Variants in PIP5K1B observed in about 807,000 individuals in gnomAD.
The protein encoded by PIP5K1B is phosphatidylinositol-4-phosphate 5-kinase type 1 beta.
A neutral mutation model predicts 67.0 loss-of-function variants in PIP5K1B; 42 were observed. The ratio of observed to expected loss-of-function variants is 0.63; its 90% CI spans 0.49 to 0.81. The LOEUF (loss-of-function observed/expected upper bound fraction) is 0.81, where lower values mean the gene tolerates loss of function less well. Ranked by LOEUF, PIP5K1B falls within the 30% of genes least tolerant of loss-of-function variation. PIP5K1B has a pLI of 0.00. For missense variants in PIP5K1B, 459 were observed against 646.3 expected (o/e 0.71, Z 3.14); for synonymous variants, 214 against 231.4 (o/e 0.92, Z 0.68).
intron 1 of PIP5K1B, among the ~76,000 whole-genome samples, chr9:68,709,473 T>C (rs563299419): frequency 1.5e-3 from 222 of 152,268 alleles, no homozygotes; most frequent in African/African-American, 5.1e-3. Flanking sequence ...ATTCAAGCAA[T>C]CCACAGGCAT....
At chr9:68,833,658 C>T (rs1012583432) in intron 4 of PIP5K1B, among the ~76,000 whole-genome samples, 3 of 151,662 alleles carry the variant, frequency 2.0e-5, no homozygotes, top group African/African-American at 4.9e-5. Context: ...GCAGCCTAGA[C>T]AAAGGTTGTG....
At chr9:68,927,296 A>G (rs1287775820) in intron 12 of PIP5K1B, among the ~76,000 whole-genome samples, 1 of 152,180 alleles carries the variant, frequency 6.6e-6, no homozygotes, top group Non-Finnish European at 1.5e-5. Context: ...CTAGAAGTGG[A>G]ATTGCTGGGT....
At chr9:68,972,418 A>G (rs1431243870) in intron 14 of PIP5K1B, among the ~76,000 whole-genome samples, 1 of 152,176 alleles carries the variant, frequency 6.6e-6, no homozygotes, top group African/African-American at 2.4e-5. Flanking sequence ...AGGCGGGTGG[A>G]TCACCTGAGG....
chr9:68,801,008 G>T (rs562984374), intron 2 of PIP5K1B, among the ~76,000 whole-genome samples: 29 of 152,268 alleles, frequency 1.9e-4, no homozygotes, highest in African/African-American at 6.7e-4. Flanking sequence ...AGGCTTCCAT[G>T]TCCATTCCTA....
At chr9:68,957,484 CAA>C (rs1400850567) in intron 14 of PIP5K1B, among the ~76,000 whole-genome samples, 1 of 152,142 alleles carries the variant, frequency 6.6e-6, no homozygotes, top group Admixed American at 6.5e-5. Flanking sequence ...GACATATTAA[CAA>C]GAGAAAGGCA....
At chr9:68,988,740 C>T (rs1435162830) in intron 14 of PIP5K1B, among the ~76,000 whole-genome samples, 1 of 151,886 alleles carries the variant, frequency 6.6e-6, no homozygotes. Flanking sequence ...CGTGAGCCAC[C>T]GCGCCCAGCC....
At chr9:68,878,385 C>T (rs1328398502) in intron 6 of PIP5K1B, among the ~76,000 whole-genome samples, 7 of 152,148 alleles carry the variant, frequency 4.6e-5, no homozygotes, top group Non-Finnish European at 1.0e-4. Flanking sequence ...AATTTGCTTT[C>T]TTTGGGGAAG....
At chr9:68,928,871 T>G (rs1826843237) in intron 12 of PIP5K1B, among the ~76,000 whole-genome samples, 1 of 152,028 alleles carries the variant, frequency 6.6e-6, no homozygotes, top group Non-Finnish European at 1.5e-5. Context: ...CCCCTTTATT[T>G]AAATGTAAGC....
At chr9:68,780,813 T>C (rs1034220104) in intron 2 of PIP5K1B, 7 of 1,614,040 alleles carry the variant, frequency 4.3e-6, no homozygotes, top group Non-Finnish European at 5.9e-6. Flanking sequence ...GCCAAAGAGA[T>C]TTTTCCAGGG....
Position 68,917,616 on chromosome 9 carries a change from CA to C in PIP5K1B, c.843del (p.Glu282ArgfsTer40). 2 of 1,614,028 alleles carry C rather than the reference CA, an allele frequency of 1.2e-6. No homozygotes were observed. The highest frequency in any genetic ancestry group is 8.5e-7 in the Non-Finnish European group (1 of 1,179,916). On this transcript the variant is annotated frameshift_variant, in exon 9 of 16. Coordinates refer to ENST00000265382, the MANE Select transcript of PIP5K1B (RefSeq NM_003558.4). LOFTEE classifies it high-confidence loss of function. ...LGIHFLDHSLKEKEEETPQNV... is the reference protein window; with the variant it reads ...LGIHFLDHSLXEKEEETPQNV... ...GAATTCATTTCCTGGACCATTCCCTCAAAGAGAAAGAGGAGGAGACCCCACA... is the reference window on the plus strand; with the variant it reads ...GAATTCATTTCCTGGACCATTCCCTCAAGAGAAAGAGGAGGAGACCCCACA...
chr9:68,832,782 G>A (rs189911568), intron 4 of PIP5K1B, among the ~76,000 whole-genome samples: 109 of 152,322 alleles, frequency 7.2e-4, no homozygotes, highest in African/African-American at 2.2e-3. Flanking sequence ...CAGAGTTGAT[G>A]AGCTACTCTT....
intron 2 of PIP5K1B, among the ~76,000 whole-genome samples, chr9:68,758,812 C>A (rs1005705157): frequency 2.0e-5 from 3 of 152,004 alleles, no homozygotes; most frequent in African/African-American, 7.2e-5. Context: ...TGAAACACAT[C>A]ATCATCAAAC....
At chr9:68,719,259 TA>T (rs1483469259) in intron 1 of PIP5K1B, among the ~76,000 whole-genome samples, 1 of 152,200 alleles carries the variant, frequency 6.6e-6, no homozygotes, top group African/African-American at 2.4e-5. Flanking sequence ...TCATTTAAGT[TA>T]AACATAGTGG....
intron 12 of PIP5K1B, among the ~76,000 whole-genome samples, chr9:68,930,173 G>C (rs1048121181): frequency 6.6e-6 from 1 of 152,012 alleles, no homozygotes; most frequent in African/African-American, 2.4e-5. Context: ...GCTCTGACTC[G>C]GTCTCTTCTT....
At chr9:68,965,403 C>G (rs1390627725) in intron 14 of PIP5K1B, among the ~76,000 whole-genome samples, 1 of 152,160 alleles carries the variant, frequency 6.6e-6, no homozygotes, top group African/African-American at 2.4e-5. Flanking sequence ...CAAGACCAAG[C>G]CTTTCTGCCT....
chr9:68,936,872 T>G (rs913307820), intron 13 of PIP5K1B, among the ~76,000 whole-genome samples: 6 of 152,204 alleles, frequency 3.9e-5, no homozygotes, highest in African/African-American at 1.4e-4. Flanking sequence ...GTGCCTGTAG[T>G]CTGGGAAATA....
chr9:68,991,771 ACCCT>A (rs1830374605), intron 15 of PIP5K1B, among the ~76,000 whole-genome samples: 1 of 152,102 alleles, frequency 6.6e-6, no homozygotes, highest in African/African-American at 2.4e-5. Context: ...AATAATGCCC[ACCCT>A]GCCTACCTTA....
chr9:68,836,917 C>G (rs2132133050), intron 4 of PIP5K1B, among the ~76,000 whole-genome samples: 1 of 152,304 alleles, frequency 6.6e-6, no homozygotes, highest in South Asian at 2.1e-4. Context: ...ATCTGGGGCA[C>G]CAGGCCGAAG....
At position 68,979,367 on chromosome 9, in the gene PIP5K1B, A is replaced by G. The variant is rs531850935; in HGVS notation, c.1503-11773A>G. 1.8e-4 allele frequency among the ~76,000 whole-genome samples: 28 copies of G among 152,352 alleles called. No individual in the cohort carries two copies. The South Asian group carries it at 5.6e-3, about 30-fold the overall frequency. ...GTGTAATACAGTCATCACAGTATAA[A>G]CATCACAGTCAACGATGCCTGCTAG... On this transcript the variant is annotated intron_variant, in intron 14 of 15. Coordinates refer to ENST00000265382, the MANE Select transcript of PIP5K1B (RefSeq NM_003558.4).
Sources: allele counts gnomAD v4.1 joint callset (sites outside exome capture counted in the v4.1 genomes callset), GRCh38; gene constraint gnomAD v4.1.1; transcripts MANE v1.5; gene names NCBI Gene and HGNC (gene_info 2026-07-23, HGNC 2026-07-21).